ZZEF1: variants seen among roughly 807,000 people sequenced by gnomAD.
ZZEF1 encodes the protein zinc finger ZZ-type and EF-hand domain containing 1.
A neutral mutation model predicts 342.8 loss-of-function variants in ZZEF1; 157 were observed. The observed-to-expected ratio is 0.46, with a 90% CI of 0.40 to 0.52. The LOEUF (loss-of-function observed/expected upper bound fraction) is 0.52, where lower values mean the gene tolerates loss of function less well. Ranked by LOEUF, ZZEF1 falls within the 20% of genes least tolerant of loss-of-function variation. ZZEF1 has a pLI of 0.00. For synonymous variants in ZZEF1, 1,505 were observed against 1,429.1 expected (o/e 1.05, Z -1.20); for missense variants, 3,480 against 3,725.6 (o/e 0.93, Z 1.72).
chr17:4,119,263 G>A (rs2123841), intron 2 of ZZEF1, among the ~76,000 whole-genome samples: 23,472 of 152,156 alleles, frequency 0.15, 1,993 homozygotes, highest in African/African-American at 0.22. Flanking sequence ...ATATTCATCC[G>A]TCTTCTGCAC....
intron 2 of ZZEF1, among the ~76,000 whole-genome samples, chr17:4,120,854 T>C (rs2058471594): frequency 6.6e-6 from 1 of 152,226 alleles, no homozygotes; most frequent in Non-Finnish European, 1.5e-5. Context: ...TAAATTAATT[T>C]AGCCTTCAGT....
chr17:4,087,631 T>TG, intron 13 of ZZEF1, 97 bp from the exon 14 acceptor site: 1 of 1,044,856 alleles, frequency 9.6e-7, no homozygotes, highest in South Asian at 1.6e-5. Flanking sequence ...AGGGATGAGG[T>TG]GGCTCTACAT....
At position 4,116,969 on chromosome 17, in the gene ZZEF1, T is replaced by C. The variant is rs1262673115; in HGVS notation, c.694+3A>G. The C allele has an allele frequency of 1.9e-6, 3 of 1,599,842 alleles. No individual in the cohort carries two copies. Among genetic ancestry groups the C allele is most frequent in the East Asian group, 2.3e-5 (1 of 44,392 alleles). On this transcript the variant is annotated splice_donor_region_variant and intron_variant, in intron 3 of 54. Transcript: ENST00000381638. ...TTTCAGGAGAACCCCCACACACACATACCCTTTTCCTTTTGTACCAGCTGA... is the reference window on the plus strand; with the variant it reads ...TTTCAGGAGAACCCCCACACACACACACCCTTTTCCTTTTGTACCAGCTGA...
Position 4,088,821 on chromosome 17 carries a change from T to G in ZZEF1, c.2098A>C (p.Ser700Arg), listed in dbSNP as rs2057890426. 1 of 1,614,062 alleles carries G rather than the reference T, an allele frequency of 6.2e-7. No individual in the cohort carries two copies. The highest frequency in any genetic ancestry group is 1.7e-5 in the Admixed American group (1 of 59,998). ...GCTCTTGCAGGCCGGAGGTACCCACTGATGGTCAAGCCTTGCACTCCCAAG... is the reference window on the plus strand; with the variant it reads ...GCTCTTGCAGGCCGGAGGTACCCACGGATGGTCAAGCCTTGCACTCCCAAG... ...ERLGVQGLTI[S>R]GYLRPARAEA... Residue 700 changes from serine to arginine, a missense_variant, in exon 13 of 55, where the codon AGT becomes CGT. Ser to Arg is a moderately radical substitution (Grantham distance 110, BLOSUM62 -1). Coordinates refer to ENST00000381638, the MANE Select transcript of ZZEF1 (RefSeq NM_015113.4).
chr17:4,109,844 C>T lies in ZZEF1; in HGVS notation c.1086G>A (p.Lys362=), dbSNP rs2058268841. The T allele has an allele frequency of 1.9e-6, 3 of 1,614,062 alleles. No individual in the cohort carries two copies. Among genetic ancestry groups the T allele is most frequent in the Non-Finnish European group, 2.5e-6 (3 of 1,180,044 alleles). ...TGTCGCAGCCATCGCTAAGACAACG[C>T]TTTATGTTAATCTGGACATCTGTCG... ...VSQLYVQINI[K]RCLSDGCDTR... Residue 362 remains lysine, a synonymous_variant, in exon 6 of 55, where the codon AAG becomes AAA. Transcript: ENST00000381638.
At position 4,014,920 on chromosome 17, in the gene ZZEF1, G is replaced by A. The variant is rs2056062090; in HGVS notation, c.8146-405C>T. 6.6e-6 allele frequency among the ~76,000 whole-genome samples: 1 copy of A among 152,152 alleles called. No individual in the cohort carries two copies. The highest frequency in any genetic ancestry group is 6.5e-5 in the Admixed American group (1 of 15,278). The stretch of plus-strand genomic sequence containing the variant: ...GCTTGGCGTGTTTGGAGTAAAGGGT[G>A]TGCTACATGGGCACGTATGCTTGGG... On this transcript the variant is annotated intron_variant, in intron 49 of 54. Transcript: ENST00000381638. This position sits in a 1 kb window ranked among gnomAD's most constrained non-coding sequence, Gnocchi z 4.4.
In ZZEF1 at chr17:4,016,243, T is replaced by TGGAGGGGCTGAGCAC. The variant is rs2056096726; in HGVS notation, c.8145+65_8145+79dup. 1.8e-5 allele frequency: 27 copies of TGGAGGGGCTGAGCAC among 1,505,146 alleles called. No homozygotes were observed. Among genetic ancestry groups the TGGAGGGGCTGAGCAC allele is most frequent in the Non-Finnish European group, 2.2e-5 (25 of 1,119,916 alleles). The allele number at this position is 1,505,146 out of a possible 1,614,324, so 93.2% of individuals were successfully genotyped here. On this transcript the variant is annotated intron_variant, in intron 49 of 54. Coordinates refer to ENST00000381638, the MANE Select transcript of ZZEF1 (RefSeq NM_015113.4). This position sits in a 1 kb window ranked among gnomAD's most constrained non-coding sequence, Gnocchi z 4.4. ...GAGAGAGCCACAGAGGGGCTGAGCATGGAGGGGCTGAGCACGGAGGGGCTG... is the reference window on the plus strand; with the variant it reads ...GAGAGAGCCACAGAGGGGCTGAGCATGGAGGGGCTGAGCACGGAGGGGCTGAGCACGGAGGGGCTG...
At chr17:4,110,575 G>C (rs1327442657) in intron 5 of ZZEF1, among the ~76,000 whole-genome samples, 1 of 151,956 alleles carries the variant, frequency 6.6e-6, no homozygotes, top group Non-Finnish European at 1.5e-5. Flanking sequence ...CCGGCTCCCT[G>C]AACGAAATAA....
intron 9 of ZZEF1, among the ~76,000 whole-genome samples, chr17:4,097,498 A>T (rs2058057528): frequency 6.8e-6 from 1 of 148,054 alleles, no homozygotes; most frequent in African/African-American, 2.5e-5. Flanking sequence ...AAAAAAAAAA[A>T]AAAGAATCAC....
chr17:4,128,395 T>C (rs1265957636), intron 1 of ZZEF1, among the ~76,000 whole-genome samples: 1 of 140,426 alleles, frequency 7.1e-6, no homozygotes, highest in African/African-American at 2.6e-5. Flanking sequence ...AGACAGACAA[T>C]GCAGGGAAAA....
chr17:4,020,055 T>C (rs1238748903), intron 45 of ZZEF1: 16 of 296,938 alleles, frequency 5.4e-5, no homozygotes, highest in African/African-American at 2.7e-4. Flanking sequence ...ACTTACCACA[T>C]CGTATTCACG....
At chr17:4,045,604 G>C (rs2056896312) in intron 37 of ZZEF1, among the ~76,000 whole-genome samples, 2 of 152,172 alleles carry the variant, frequency 1.3e-5, no homozygotes, top group Admixed American at 1.3e-4. Flanking sequence ...CTGGCATTCT[G>C]TGGGCTGTGG....
intron 42 of ZZEF1, among the ~76,000 whole-genome samples, chr17:4,027,814 G>A (rs1041602117): frequency 6.6e-6 from 1 of 151,932 alleles, no homozygotes; most frequent in African/African-American, 2.4e-5. Context: ...TGCTGCCCAG[G>A]CTGGCCCCAA....
chr17:4,064,063 A>AG (rs35156991), intron 29 of ZZEF1, among the ~76,000 whole-genome samples: 11,093 of 144,690 alleles, frequency 0.077, 482 homozygotes, highest in African/African-American at 0.12. Context: ...TTGTAGATGG[A>AG]GGGGGGGGGG....
chr17:4,009,855 C>A (rs1248721949), intron 52 of ZZEF1, 98 bp from the exon 53 acceptor site: 2 of 1,375,568 alleles, frequency 1.5e-6, no homozygotes, highest in African/African-American at 2.9e-5. Context: ...CCCTCCCTCT[C>A]CCACAGCTGG....
At chr17:4,138,551 G>GC (rs2058791641) in intron 1 of ZZEF1, among the ~76,000 whole-genome samples, 1 of 152,180 alleles carries the variant, frequency 6.6e-6, no homozygotes, top group Admixed American at 6.5e-5. Flanking sequence ...CTGGGCACTG[G>GC]CAACCACCCA....
chr17:4,062,568 G>A (rs145201243), intron 30 of ZZEF1, among the ~76,000 whole-genome samples, 185 bp downstream of exon 30: 69 of 152,244 alleles, frequency 4.5e-4, no homozygotes, highest in African/African-American at 1.5e-3. Context: ...GAATAAATAT[G>A]TTCCCGGCAG....
intron 6 of ZZEF1, 44 bp downstream of exon 6, chr17:4,109,609 T>TGAGG: frequency 6.3e-7 from 1 of 1,593,392 alleles, no homozygotes; most frequent in Non-Finnish European, 8.6e-7. Flanking sequence ...GATGGGAGAA[T>TGAGG]GAGGGCATGT....
chr17:4,010,205 CAAAA>C (rs142781574), intron 52 of ZZEF1, among the ~76,000 whole-genome samples: 6 of 148,058 alleles, frequency 4.1e-5, no homozygotes, highest in African/African-American at 1.5e-4. Context: ...AAAAAACAAA[CAAAA>C]AAAAAACCTA....
Sources: gnomAD v4.1 joint callset for allele counts (sites outside exome capture counted in the v4.1 genomes callset) on GRCh38, gnomAD v4.1.1 for gene constraint, Gnocchi (gnomAD v3.1) non-coding constraint, MANE v1.5 for transcripts, NCBI Gene and HGNC (gene_info 2026-07-23, HGNC 2026-07-21) for gene names.